Variants in CDH6 observed in about 807,000 individuals in gnomAD.
CDH6 encodes cadherin 6.
CDH6 carries 31 observed loss-of-function variants against 78.0 expected under a neutral mutation model. The ratio of observed to expected loss-of-function variants is 0.40; its 90% CI spans 0.30 to 0.54. The LOEUF is 0.54. CDH6 is among the 20% of genes least tolerant of loss of function. The pLI is 0.56. For missense variants in CDH6, 724 were observed against 975.9 expected (o/e 0.74, Z 3.44); for synonymous variants, 376 against 368.8 (o/e 1.02, Z -0.23).
chr5:31,323,790 G>T lies in CDH6; in HGVS notation c.*482G>T, dbSNP rs549307603. The T allele has an allele frequency of 3.0e-5, 7 of 231,554 alleles. No homozygotes were observed. The highest frequency in any genetic ancestry group is 3.6e-4 in the South Asian group (2 of 5,548). 14.3% of individuals were successfully genotyped at this position (231,554 alleles called of 1,614,324 possible). ...TAGGGGTGTTTATTTGTGTCACAAA[G>T]AATTTAAAATAACACTTGCCCATGC... On this transcript the variant is annotated 3_prime_UTR_variant, in exon 12 of 12. Coordinates refer to ENST00000265071, the MANE Select transcript of CDH6 (RefSeq NM_004932.4).
At position 31,305,232 on chromosome 5, in the gene CDH6, A is replaced by C; in HGVS notation, c.1058A>C (p.Tyr353Ser). 6.2e-7 allele frequency: 1 copy of C among 1,614,056 alleles called. No homozygotes were observed. The highest frequency in any genetic ancestry group is 8.5e-7 in the Non-Finnish European group (1 of 1,179,982). ...CTTAAAGTGGAAGCCTCCAATCCTTATGTTGAGCCACGATTTCTCTACTTG... is the reference window on the plus strand; with the variant it reads ...CTTAAAGTGGAAGCCTCCAATCCTTCTGTTGAGCCACGATTTCTCTACTTG... ...YTLKVEASNP[Y>S]VEPRFLYLGP... Residue 353 changes from tyrosine (Y) to serine (S), a missense_variant, in exon 7 of 12, where the codon TAT (tyrosine) becomes TCT (serine). Coordinates refer to ENST00000265071, the MANE Select transcript of CDH6 (RefSeq NM_004932.4).
chr5:31,221,190 C>A (rs919345912), intron 1 of CDH6, among the ~76,000 whole-genome samples: 4 of 152,206 alleles, frequency 2.6e-5, no homozygotes, highest in Non-Finnish European at 1.5e-5. Flanking sequence ...AGTCTGTCCC[C>A]AGTCACTCAC....
chr5:31,215,230 T>A (rs1379641643), intron 1 of CDH6, among the ~76,000 whole-genome samples: 2 of 152,188 alleles, frequency 1.3e-5, no homozygotes, highest in African/African-American at 4.8e-5. Flanking sequence ...TAGGTATGAA[T>A]ACTATTCAAC....
At chr5:31,230,495 G>A (rs1317847471) in intron 1 of CDH6, among the ~76,000 whole-genome samples, 1 of 152,136 alleles carries the variant, frequency 6.6e-6, no homozygotes, top group Non-Finnish European at 1.5e-5. Context: ...GAATTCAGAA[G>A]CATTAGGCCT....
chr5:31,275,327 T>C (rs1040835911), intron 2 of CDH6, among the ~76,000 whole-genome samples: 1 of 152,082 alleles, frequency 6.6e-6, no homozygotes, highest in Non-Finnish European at 1.5e-5. Flanking sequence ...CAGTTAGTTT[T>C]TCAACTCCTG....
At chr5:31,302,781 AGAG>A (rs1737812473) in intron 6 of CDH6, among the ~76,000 whole-genome samples, 2 of 57,136 alleles carry the variant, frequency 3.5e-5, no homozygotes, top group Non-Finnish European at 7.2e-5. Flanking sequence ...AAGAAGAAAG[AGAG>A]AGAGAGAGAG....
At chr5:31,225,555 G>C (rs1333174076) in intron 1 of CDH6, among the ~76,000 whole-genome samples, 2 of 152,036 alleles carry the variant, frequency 1.3e-5, no homozygotes, top group African/African-American at 2.4e-5. Context: ...GTTGGCGAAG[G>C]GGAAGCAGAT....
chr5:31,231,426 G>T (rs944213887), intron 1 of CDH6, among the ~76,000 whole-genome samples: 1 of 152,140 alleles, frequency 6.6e-6, no homozygotes, highest in Non-Finnish European at 1.5e-5. Context: ...TTTCATGGAC[G>T]CTTCCTGTCT....
rs866683024 is a variant in CDH6 at position 31,317,801 on chromosome 5, C to T, written c.1759C>T (p.Arg587Trp). The stretch of plus-strand genomic sequence containing the variant: ...AAGCAGCACTGGGACAGTGACTGTC[C>T]GGGTCTGTGCATGTGACCACCACGG... ...VQSSTGTVTVRVCACDHHGNM... is the reference protein window; with the variant it reads ...VQSSTGTVTVWVCACDHHGNM... Residue 587 changes from arginine (R) to tryptophan (W), a missense_variant, in exon 11 of 12, where the codon CGG (arginine) becomes TGG (tryptophan). Physicochemically the swap from Arg to Trp is moderately radical, Grantham distance 101 (BLOSUM62 -3). This residue lies in a region of CDH6 where 446 missense variants were observed against 684.5 expected (regional missense o/e 0.65). Transcript: ENST00000265071. 1 of 1,614,160 alleles carries T rather than the reference C, an allele frequency of 6.2e-7. No homozygotes were observed. The highest frequency in any genetic ancestry group is 1.7e-5 in the Admixed American group (1 of 60,028).
At position 31,203,066 on chromosome 5, in the gene CDH6, A is replaced by G. The variant is rs1435953961; in HGVS notation, c.-129+9180A>G. Among the ~76,000 whole-genome samples, 3 of 152,030 alleles carry G rather than the reference A, an allele frequency of 2.0e-5. No homozygotes were observed. The East Asian group carries it at 5.8e-4, about 29-fold the overall frequency. ...CTTTTCTCCCAACAATTATTCTTGTATTAAGCTACTTGTTTAAAAGTATCT... is the reference window on the plus strand; with the variant it reads ...CTTTTCTCCCAACAATTATTCTTGTGTTAAGCTACTTGTTTAAAAGTATCT... On this transcript the variant is annotated intron_variant, in intron 1 of 11. Coordinates refer to ENST00000265071, the MANE Select transcript of CDH6 (RefSeq NM_004932.4).
At chr5:31,205,048 G>A (rs1740477154) in intron 1 of CDH6, among the ~76,000 whole-genome samples, 1 of 152,154 alleles carries the variant, frequency 6.6e-6, no homozygotes, top group Admixed American at 6.5e-5. Context: ...ATCCAGGTTG[G>A]GGGAGAAAGG....
chr5:31,212,770 A>G (rs924341080), intron 1 of CDH6, among the ~76,000 whole-genome samples: 5 of 152,018 alleles, frequency 3.3e-5, no homozygotes, highest in African/African-American at 9.7e-5. Flanking sequence ...GTGCACACAC[A>G]CACACACACA....
At position 31,301,993 on chromosome 5, in the gene CDH6, A is replaced by G. The variant is rs748936374; in HGVS notation, c.812-118A>G. Reference sequence around the variant, plus strand: ...GGCCACCATTAGTTATTTTGAGGAAAGCACACATCTACCTGATGGTAATGT... The same window carrying G: ...GGCCACCATTAGTTATTTTGAGGAAGGCACACATCTACCTGATGGTAATGT... On this transcript the variant is annotated intron_variant, in intron 5 of 11. Transcript: ENST00000265071. 5.9e-4 allele frequency: 340 copies of G among 576,314 alleles called. 1 individual carries two copies. The highest frequency in any genetic ancestry group is 8.7e-4 in the Non-Finnish European group (295 of 337,994). 35.7% of individuals were successfully genotyped at this position (576,314 alleles called of 1,614,324 possible).
chr5:31,265,797 T>C (rs1579864359), intron 1 of CDH6, among the ~76,000 whole-genome samples: 1 of 117,312 alleles, frequency 8.5e-6, no homozygotes, highest in Admixed American at 1.1e-4. Flanking sequence ...TTTTTTGAGA[T>C]GGAGTCTCAC....
At chr5:31,230,702 CTTG>C (rs1741289201) in intron 1 of CDH6, among the ~76,000 whole-genome samples, 1 of 152,134 alleles carries the variant, frequency 6.6e-6, no homozygotes, top group African/African-American at 2.4e-5. Context: ...GCAGAATAAT[CTTG>C]ATTGTGTCCT....
In CDH6 at chr5:31,253,540, G is replaced by A. The variant is rs73089346; in HGVS notation, c.-128-13806G>A. Among the ~76,000 whole-genome samples, 313 of 152,178 alleles carry A rather than the reference G, an allele frequency of 2.1e-3. 1 individual carries two copies. The highest frequency in any genetic ancestry group is 7.3e-3 in the African/African-American group (302 of 41,506). ...AGCAGAGTGAGAACAGAGTAATACA[G>A]GACCTCTCTGGGATCTCCTTTCTAA... is the stretch of plus-strand genomic sequence containing the variant. On this transcript the variant is annotated intron_variant, in intron 1 of 11. Coordinates refer to ENST00000265071, the MANE Select transcript of CDH6 (RefSeq NM_004932.4).
At chr5:31,216,845 G>C (rs905872532) in intron 1 of CDH6, among the ~76,000 whole-genome samples, 2 of 152,094 alleles carry the variant, frequency 1.3e-5, no homozygotes, top group African/African-American at 4.8e-5. Context: ...GATTTTAACT[G>C]TAGTACTAAA....
intron 11 of CDH6, among the ~76,000 whole-genome samples, chr5:31,320,720 GTAA>G (rs1738457298): frequency 6.6e-6 from 1 of 152,128 alleles, no homozygotes; most frequent in African/African-American, 2.4e-5. Context: ...GTTCACGCCT[GTAA>G]TCCCAACACT....
chr5:31,298,223 CAT>C (rs1491286005), intron 4 of CDH6, among the ~76,000 whole-genome samples: 1 of 152,164 alleles, frequency 6.6e-6, no homozygotes, highest in Non-Finnish European at 1.5e-5. Flanking sequence ...AAATTGCACA[CAT>C]ATTTTTATCA....
Sources: allele counts gnomAD v4.1 joint callset (sites outside exome capture counted in the v4.1 genomes callset), GRCh38; gene constraint gnomAD v4.1.1; regional missense constraint gnomAD v4.1.1; transcripts MANE v1.5; gene names NCBI Gene and HGNC (gene_info 2026-07-23, HGNC 2026-07-21).